DNAI2: variants seen among roughly 807,000 people sequenced by gnomAD.
The protein encoded by DNAI2 is dynein, axonemal, intermediate polypeptide 2.
Under a neutral mutation model 74.7 loss-of-function variants are expected in DNAI2, and 63 were observed. That is an observed-to-expected ratio of 0.84 (90% confidence interval 0.69 to 1.04). The LOEUF is 1.04. Among genes scored for constraint, DNAI2 ranks in the 50% least tolerant of loss-of-function variants. DNAI2 has a pLI of 0.00. For missense variants in DNAI2, 688 were observed against 803.2 expected (o/e 0.86, Z 1.73); for synonymous variants, 289 against 314.9 (o/e 0.92, Z 0.87).
chr17:74,280,212 C>T (rs917604932), intron 1 of DNAI2, among the ~76,000 whole-genome samples: 3 of 152,232 alleles, frequency 2.0e-5, no homozygotes, highest in Non-Finnish European at 4.4e-5. Flanking sequence ...TGCATTTTTA[C>T]AACTTCTAAT....
At position 74,309,109 on chromosome 17, in the gene DNAI2, CAGCACAGCT is replaced by C. The variant is rs559034224; in HGVS notation, c.1212-141_1212-133del. 107 of 823,714 alleles carry C rather than the reference CAGCACAGCT, an allele frequency of 1.3e-4. No individual in the cohort carries two copies. In the African/African-American group the frequency reaches 1.5e-3, roughly 12 times the overall value. 51.0% of individuals were successfully genotyped at this position (823,714 alleles called of 1,614,324 possible). A position where few individuals can be genotyped will look rare whatever the true frequency, so the allele number is the denominator to read the frequency against. ...CCTGTGAGCTGTGGATGAGTGAGGT[CAGCACAGCT>C]AGAAGTCAGACACAAGGAAGAACTT... On this transcript the variant is annotated intron_variant, in intron 9 of 13. Coordinates refer to ENST00000311014, the MANE Select transcript of DNAI2 (RefSeq NM_023036.6).
At chr17:74,303,602 T>C in intron 8 of DNAI2, among the ~76,000 whole-genome samples, 1 of 124,190 alleles carries the variant, frequency 8.1e-6, no homozygotes, top group Non-Finnish European at 1.8e-5. Flanking sequence ...GCTGATTTTT[T>C]TTTTTTTTTT....
At position 74,310,154 on chromosome 17, in the gene DNAI2, A is replaced by G. The variant is rs200587166; in HGVS notation, c.1485A>G (p.Val495=). The part of the protein sequence containing the change: ...LSTLQRNEKN[V]ASSMFERETR... ...CCCTCCAGAGGAATGAGAAGAACGT[A>G]GCCTCTTCCGTAAGCACCGGGTGCC... The change falls in exon 11 of 14, where the codon GTA becomes GTG. Residue 495 remains valine, a synonymous_variant. Coordinates refer to ENST00000311014, the MANE Select transcript of DNAI2 (RefSeq NM_023036.6). The G allele has an allele frequency of 8.7e-5, 141 of 1,613,622 alleles. No homozygotes were observed. In the East Asian group the frequency reaches 2.9e-3, roughly 33 times the overall value.
chr17:74,300,425 CT>C lies in DNAI2; in HGVS notation c.864+571del, dbSNP rs1339534347. The stretch of plus-strand genomic sequence containing the variant: ...ATGCAAGGAAACACACCTCTCTCTT[CT>C]TTACTCTTTCTTTTTGCACACTTCA... On this transcript the variant is annotated intron_variant, in intron 7 of 13. Coordinates refer to ENST00000311014, the MANE Select transcript of DNAI2 (RefSeq NM_023036.6). The surrounding 1 kb of genome is among the most constrained non-coding windows in gnomAD (Gnocchi z 4.5). Among the ~76,000 whole-genome samples, 4 of 152,182 alleles carry C rather than the reference CT, an allele frequency of 2.6e-5. No individual in the cohort carries two copies. The highest frequency in any genetic ancestry group is 9.7e-5 in the African/African-American group (4 of 41,450).
intron 8 of DNAI2, among the ~76,000 whole-genome samples, chr17:74,301,781 C>A (rs979184043): frequency 6.8e-6 from 1 of 147,178 alleles, no homozygotes; most frequent in African/African-American, 2.5e-5. Flanking sequence ...AGACCCCCCC[C>A]ACCGCCCGCC....
intron 6 of DNAI2, among the ~76,000 whole-genome samples, chr17:74,292,965 G>T (rs1194016612): frequency 6.6e-6 from 1 of 152,064 alleles, no homozygotes; most frequent in Non-Finnish European, 1.5e-5. Flanking sequence ...GAGTAGCTGG[G>T]ACTACAGGTG....
chr17:74,278,357 G>A (rs1452395436), intron 1 of DNAI2, among the ~76,000 whole-genome samples: 2 of 152,192 alleles, frequency 1.3e-5, no homozygotes, highest in Non-Finnish European at 1.5e-5. Context: ...TTGAGCCTGG[G>A]AGGTTGAGGC....
At chr17:74,282,769 A>G (rs1330270667) in intron 2 of DNAI2, among the ~76,000 whole-genome samples, 1 of 152,228 alleles carries the variant, frequency 6.6e-6, no homozygotes, top group Admixed American at 6.5e-5. Context: ...CCCTGTCTCT[A>G]TGAACTAAGT....
rs936438680 is a variant in DNAI2 at position 74,314,770 on chromosome 17, G to A, written c.*237G>A. 6.8e-5 allele frequency: 12 copies of A among 176,546 alleles called. No individual in the cohort carries two copies. The highest frequency in any genetic ancestry group is 9.9e-5 in the Non-Finnish European group (8 of 80,582). The allele number at this position is 176,546 out of a possible 1,614,324, so 10.9% of individuals were successfully genotyped here. A position where few individuals can be genotyped will look rare whatever the true frequency, so the allele number is the denominator to read the frequency against. ...ACCATTTGGACACATTGCCACGACA[G>A]GAGCCTCCAAGTATGTGGGAGGGGA... On this transcript the variant is annotated 3_prime_UTR_variant, in exon 14 of 14. Transcript: ENST00000311014.
At position 74,281,959 on chromosome 17, in the gene DNAI2, G is replaced by A. The variant is rs971472474; in HGVS notation, c.142G>A (p.Asp48Asn). ...AEQFVERNPV[D>N]TGIQCSISMS... ...GCAGTTCGTGGAGCGGAACCCAGTG[G>A]ACACGGGCATCCAGTGCTCGATCAG... is the stretch of plus-strand genomic sequence containing the variant. Residue 48 changes from aspartate to asparagine, a missense_variant, in exon 2 of 14, where the codon GAC becomes AAC. By Grantham distance (23) the Asp-to-Asn change is conservative (BLOSUM62 1). Coordinates refer to ENST00000311014, the MANE Select transcript of DNAI2 (RefSeq NM_023036.6). 1.9e-6 allele frequency: 3 copies of A among 1,614,012 alleles called. No individual in the cohort carries two copies. In the African/African-American group the frequency reaches 4.0e-5, roughly 22 times the overall value.
intron 9 of DNAI2, among the ~76,000 whole-genome samples, chr17:74,306,074 A>G (rs1263208278): frequency 6.6e-6 from 1 of 152,256 alleles, no homozygotes; most frequent in East Asian, 1.9e-4. Flanking sequence ...AGAAAGGCCA[A>G]GCCACTTGCT....
chr17:74,284,215 C>A (rs1410557639), intron 2 of DNAI2, among the ~76,000 whole-genome samples: 3 of 125,690 alleles, frequency 2.4e-5, no homozygotes, highest in Non-Finnish European at 5.3e-5. Flanking sequence ...GTGAGAGACC[C>A]TCTCTTAAAA....
In DNAI2 at chr17:74,314,643, T is replaced by A; in HGVS notation, c.*110T>A. On this transcript the variant is annotated 3_prime_UTR_variant, in exon 14 of 14. Transcript: ENST00000311014. ...AGGGCCTCGGGAAGACCTTCAGGAG[T>A]GGGGAAGGGTTTCTCCTCCATGATC... 4.0e-6 allele frequency: 1 copy of A among 252,932 alleles called. No individual in the cohort carries two copies. Among genetic ancestry groups the A allele is most frequent in the Non-Finnish European group, 8.0e-6 (1 of 125,186 alleles). The allele number at this position is 252,932 out of a possible 1,614,324, so 15.7% of individuals were successfully genotyped here. A position where few individuals can be genotyped will look rare whatever the true frequency, so the allele number is the denominator to read the frequency against.
Position 74,314,189 on chromosome 17 carries a change from T to C in DNAI2, c.1791T>C (p.Asp597=), listed in dbSNP as rs1422979131. ...AGGAAGCAGCGGGGGAAGAAGGGGA[T>C]GAAGAAGTGGAAGAAGACTTAGCCT... ...EGEEAAGEEG[D]EEVEEDLA The change falls in exon 13 of 14, where the codon GAT becomes GAC. Residue 597 remains aspartate, a synonymous_variant. Transcript: ENST00000311014. 6.2e-7 allele frequency: 1 copy of C among 1,614,090 alleles called. No individual in the cohort carries two copies.
At chr17:74,279,619 C>CT (rs2051283179) in intron 1 of DNAI2, among the ~76,000 whole-genome samples, 1 of 152,198 alleles carries the variant, frequency 6.6e-6, no homozygotes, top group Non-Finnish European at 1.5e-5. Context: ...CGTCTACCTT[C>CT]CAGGTTTAAG....
chr17:74,312,513 G>A (rs1049721486), intron 12 of DNAI2, among the ~76,000 whole-genome samples: 7 of 152,108 alleles, frequency 4.6e-5, no homozygotes, highest in Non-Finnish European at 7.4e-5. Context: ...AATGCGTGTT[G>A]AGTGACTGAA....
At chr17:74,276,886 C>T (rs1405698893) in intron 1 of DNAI2, among the ~76,000 whole-genome samples, 3 of 152,180 alleles carry the variant, frequency 2.0e-5, no homozygotes, top group African/African-American at 7.2e-5. Flanking sequence ...TCCTGCAGCC[C>T]CATGTGGGAG....
At position 74,314,154 on chromosome 17, in the gene DNAI2, G is replaced by A. The variant is rs919104515; in HGVS notation, c.1756G>A (p.Glu586Lys). ...AAGTCCAGAAGAAGACCAGGTGGTG[G>A]AGGAGGGAGAGGAAGCAGCGGGGGA... Reference protein sequence around the residue: ...QPSPEEDQVVEEGEEAAGEEG... With the variant: ...QPSPEEDQVVKEGEEAAGEEG... The change falls in exon 13 of 14, where the codon GAG becomes AAG. Residue 586 changes from glutamate (E) to lysine (K), a missense_variant. Glu to Lys is a moderately conservative substitution (Grantham distance 56). Coordinates refer to ENST00000311014, the MANE Select transcript of DNAI2 (RefSeq NM_023036.6). The A allele has an allele frequency of 4.3e-6, 7 of 1,614,092 alleles. No homozygotes were observed. The highest frequency in any genetic ancestry group is 5.9e-6 in the Non-Finnish European group (7 of 1,180,020).
At chr17:74,312,847 G>A (rs1014540160) in intron 12 of DNAI2, among the ~76,000 whole-genome samples, 8 of 152,174 alleles carry the variant, frequency 5.3e-5, no homozygotes, top group Non-Finnish European at 7.3e-5. Context: ...TTGTACCAGC[G>A]GAGAGAGGAA....
Sources: gnomAD v4.1 joint callset for allele counts (sites outside exome capture counted in the v4.1 genomes callset) on GRCh38, gnomAD v4.1.1 for gene constraint, Gnocchi (gnomAD v3.1) non-coding constraint, MANE v1.5 for transcripts, NCBI Gene and HGNC (gene_info 2026-07-23, HGNC 2026-07-21) for gene names.